HPDL: variants seen among roughly 807,000 people sequenced by gnomAD.
The protein encoded by HPDL is 4-hydroxyphenylpyruvate dioxygenase-like protein.
Under a neutral mutation model 9.8 loss-of-function variants are expected in HPDL, and 7 were observed. The ratio of observed to expected loss-of-function variants is 0.71; its 90% CI spans 0.41 to 1.34. The LOEUF is 1.34. HPDL is among the 40% of genes most tolerant of loss of function. HPDL has a pLI of 0.01. For synonymous variants in HPDL, 250 were observed against 228.2 expected (o/e 1.10, Z -0.86); for missense variants, 530 against 495.1 (o/e 1.07, Z -0.67).
rs1212898568 is a variant in HPDL at position 45,326,982 on chromosome 1, A to C, written c.-167A>C. ...GCTGCAGGGAGAACCGCGAGCTCTC[A>C]GGGGTCGGCGGGTGACTTCTTTCCG... On this transcript the variant is annotated 5_prime_UTR_variant, in exon 1 of 1. Transcript: ENST00000334815. The C allele has an allele frequency of 1.6e-6, 1 of 639,780 alleles. No homozygotes were observed. Among genetic ancestry groups the C allele is most frequent in the Non-Finnish European group, 2.4e-6 (1 of 415,834 alleles). 39.6% of individuals were successfully genotyped at this position (639,780 alleles called of 1,614,324 possible).
chr1:45,327,110 G>T lies in HPDL; in HGVS notation c.-39G>T. 6.6e-7 allele frequency: 1 copy of T among 1,513,808 alleles called. No homozygotes were observed. 93.8% of individuals were successfully genotyped at this position (1,513,808 alleles called of 1,614,324 possible). A position where few individuals can be genotyped will look rare whatever the true frequency, so the allele number is the denominator to read the frequency against. On this transcript the variant is annotated 5_prime_UTR_variant, in exon 1 of 1. Transcript: ENST00000334815. This position sits in a 1 kb window ranked among gnomAD's most constrained non-coding sequence, Gnocchi z 6.3. ...CGAAGTCCCCAACCACAAGTAAGCG[G>T]CCCCAGAAGGACAAGTCTAGGTCGC...
chr1:45,327,278 C>T lies in HPDL; in HGVS notation c.130C>T (p.Gln44Ter). Residue 44 changes from glutamine to a stop codon, truncating the protein, a stop_gained, in exon 1 of 1, where the codon CAG (glutamine) becomes TAG (stop). Coordinates refer to ENST00000334815, the MANE Select transcript of HPDL (RefSeq NM_032756.4). LOFTEE classifies it low-confidence loss of function (END_TRUNC). This position sits in a 1 kb window ranked among gnomAD's most constrained non-coding sequence, Gnocchi z 6.3. ...LASREVDGWR[Q>*]LALRSGDAVF... The stretch of plus-strand genomic sequence containing the variant: ...TTCGCGGGAGGTGGACGGCTGGCGG[C>T]AGCTAGCCCTGCGCAGCGGCGACGC... 3 of 1,594,596 alleles carry T rather than the reference C, an allele frequency of 1.9e-6. No individual in the cohort carries two copies. The highest frequency in any genetic ancestry group is 1.7e-6 in the Non-Finnish European group (2 of 1,172,888).
rs1305185943 is a variant in HPDL at position 45,327,311 on chromosome 1, T to C, written c.163T>C (p.Leu55=). ...CCTGCGCAGCGGCGACGCGGTCTTT[T>C]TGGTGAACGAGGGCGCAGGGTCTGG... The part of the protein sequence containing the change: ...LALRSGDAVF[L]VNEGAGSGEP... The change falls in exon 1 of 1, where the codon TTG becomes CTG. Residue 55 remains leucine, a synonymous_variant. Coordinates refer to ENST00000334815, the MANE Select transcript of HPDL (RefSeq NM_032756.4). This position sits in a 1 kb window ranked among gnomAD's most constrained non-coding sequence, Gnocchi z 6.3. 11 of 1,581,220 alleles carry C rather than the reference T, an allele frequency of 7.0e-6. No homozygotes were observed. The highest frequency in any genetic ancestry group is 7.7e-6 in the Non-Finnish European group (9 of 1,165,254).
At position 45,327,438 on chromosome 1, in the gene HPDL, C is replaced by T; in HGVS notation, c.290C>T (p.Ala97Val). ...GGCGCTGCAACCCGGGAGCTGGCAG[C>T]GCTGGGCTGCAGCGTGCCTGTCCCT... ...DAGAATRELA[A>V]LGCSVPVPPV... Residue 97 changes from alanine to valine, a missense_variant, in exon 1 of 1, where the codon GCG becomes GTG. Coordinates refer to ENST00000334815, the MANE Select transcript of HPDL (RefSeq NM_032756.4). The surrounding 1 kb of genome is among the most constrained non-coding windows in gnomAD (Gnocchi z 6.3). The T allele has an allele frequency of 6.3e-7, 1 of 1,585,624 alleles. No homozygotes were observed.
rs769815620 is a variant in HPDL, at chr1:45,327,672, C to T, written c.524C>T (p.Thr175Ile). The T allele has an allele frequency of 1.2e-5, 20 of 1,609,676 alleles. No homozygotes were observed. The highest frequency in any genetic ancestry group is 1.7e-5 in the Non-Finnish European group (20 of 1,177,140). ...TLACTPGSSP[T>I]LLRWFHDCLG... ...GCCTGCACCCCCGGCAGCTCCCCCACACTTTTGCGCTGGTTCCACGACTGC... is the reference window on the plus strand; with the variant it reads ...GCCTGCACCCCCGGCAGCTCCCCCATACTTTTGCGCTGGTTCCACGACTGC... The change falls in exon 1 of 1, where the codon ACA becomes ATA. Residue 175 changes from threonine to isoleucine, a missense_variant. Physicochemically the swap from Thr to Ile is moderately conservative, Grantham distance 89. Transcript: ENST00000334815. The surrounding 1 kb of genome is among the most constrained non-coding windows in gnomAD (Gnocchi z 6.3).
chr1:45,327,526 C>G lies in HPDL; in HGVS notation c.378C>G (p.Gly126=). 1 of 1,605,140 alleles carries G rather than the reference C, an allele frequency of 6.2e-7. No homozygotes were observed. The highest frequency in any genetic ancestry group is 8.5e-7 in the Non-Finnish European group (1 of 1,179,346). ...ACGCCGTGGTCAGCTCGCCTGCCGG[C>G]ATCCTCAGCCTGACCTTGCTGGAGC... ...ATYAVVSSPA[G]ILSLTLLERA... Residue 126 remains glycine, a synonymous_variant, in exon 1 of 1, where the codon GGC becomes GGG. Transcript: ENST00000334815. The surrounding 1 kb of genome is among the most constrained non-coding windows in gnomAD (Gnocchi z 6.3).
Position 45,327,692 on chromosome 1 carries a change from G to A in HPDL, c.544G>A (p.Asp182Asn). Residue 182 changes from aspartate to asparagine, a missense_variant, in exon 1 of 1, where the codon GAC becomes AAC. Transcript: ENST00000334815. The surrounding 1 kb of genome is among the most constrained non-coding windows in gnomAD (Gnocchi z 6.3). ...SSPTLLRWFH[D>N]CLGFCHLPLS... ...CCCCACACTTTTGCGCTGGTTCCAC[G>A]ACTGCCTGGGCTTTTGCCACTTGCC... is the stretch of plus-strand genomic sequence containing the variant. 1 of 1,610,270 alleles carries A rather than the reference G, an allele frequency of 6.2e-7. No homozygotes were observed. The highest frequency in any genetic ancestry group is 8.5e-7 in the Non-Finnish European group (1 of 1,177,566).
Position 45,327,553 on chromosome 1 carries a change from C to T in HPDL, c.405C>T (p.Arg135=). The T allele has an allele frequency of 6.2e-7, 1 of 1,608,688 alleles. No homozygotes were observed. The highest frequency in any genetic ancestry group is 8.5e-7 in the Non-Finnish European group (1 of 1,179,650). ...TCCTCAGCCTGACCTTGCTGGAGCG[C>T]GCTGGCTACCGCGGACCCTTCCTAC... ...AGILSLTLLE[R]AGYRGPFLPG... Residue 135 remains arginine, a synonymous_variant, in exon 1 of 1, where the codon CGC becomes CGT. Transcript: ENST00000334815. The surrounding 1 kb of genome is among the most constrained non-coding windows in gnomAD (Gnocchi z 6.3).
At position 45,327,155 on chromosome 1, in the gene HPDL, G is replaced by A. The variant is rs567386434; in HGVS notation, c.7G>A (p.Ala3Thr). 61 of 1,552,836 alleles carry A rather than the reference G, an allele frequency of 3.9e-5. 1 individual carries two copies. In the Admixed American group the frequency reaches 1.2e-3, roughly 30 times the overall value. ...GGTCGCCGTCCAGAGCGCCATGGCC[G>A]CGCCCGCCCTTCGTTTGTGCCACAT... MA[A>T]PALRLCHIAF... Residue 3 changes from alanine to threonine, a missense_variant, in exon 1 of 1, where the codon GCG (alanine) becomes ACG (threonine). Coordinates refer to ENST00000334815, the MANE Select transcript of HPDL (RefSeq NM_032756.4). This position sits in a 1 kb window ranked among gnomAD's most constrained non-coding sequence, Gnocchi z 6.3.
In HPDL at chr1:45,327,190, C is replaced by T. The variant is rs770359125; in HGVS notation, c.42C>T (p.His14=). ...TTCGTTTGTGCCACATCGCCTTCCACGTGCCCGCCGGGCAGCCCCTAGCCC... is the reference window on the plus strand; with the variant it reads ...TTCGTTTGTGCCACATCGCCTTCCATGTGCCCGCCGGGCAGCCCCTAGCCC... ...PALRLCHIAF[H]VPAGQPLARN... Residue 14 remains histidine (H), a synonymous_variant, in exon 1 of 1, where the codon CAC becomes CAT. Transcript: ENST00000334815. The surrounding 1 kb of genome is among the most constrained non-coding windows in gnomAD (Gnocchi z 6.3). 5.7e-6 allele frequency: 9 copies of T among 1,587,212 alleles called. No individual in the cohort carries two copies. The highest frequency in any genetic ancestry group is 5.6e-5 in the South Asian group (5 of 89,412).
chr1:45,328,001 G>A lies in HPDL; in HGVS notation c.853G>A (p.Gly285Arg). ...TAGGQFLAPPGAYYQQPGKER... is the reference protein window; with the variant it reads ...TAGGQFLAPPRAYYQQPGKER... ...TGGAGGCCAGTTCCTGGCTCCCCCT[G>A]GGGCATACTACCAGCAGCCAGGAAA... The change falls in exon 1 of 1, where the codon GGG becomes AGG. Residue 285 changes from glycine to arginine, a missense_variant. Transcript: ENST00000334815. The A allele has an allele frequency of 6.2e-7, 1 of 1,613,302 alleles. No homozygotes were observed. Among genetic ancestry groups the A allele is most frequent in the Non-Finnish European group, 8.5e-7 (1 of 1,179,418 alleles).
Position 45,328,177 on chromosome 1 carries a change from G to A in HPDL, c.1029G>A (p.Arg343=), listed in dbSNP as rs1229998404. Residue 343 remains arginine (R), a synonymous_variant, in exon 1 of 1, where the codon AGG becomes AGA. Transcript: ENST00000334815. ...CTTTCTTCCTGGAGCTGATTCAGAG[G>A]CAGGGGGCCACTGGCTTTGGTCAGG... ...EDTFFLELIQ[R]QGATGFGQGN... The A allele has an allele frequency of 6.2e-7, 1 of 1,614,124 alleles. No individual in the cohort carries two copies. The highest frequency in any genetic ancestry group is 1.3e-5 in the African/African-American group (1 of 74,952).
Position 45,327,830 on chromosome 1 carries a change from CTT to C in HPDL, c.683_684del (p.Leu228ArgfsTer4). 2 of 1,560,970 alleles carry C rather than the reference CTT, an allele frequency of 1.3e-6. No individual in the cohort carries two copies. Among genetic ancestry groups the C allele is most frequent in the Non-Finnish European group, 1.7e-6 (2 of 1,152,378 alleles). On this transcript the variant is annotated frameshift_variant, in exon 1 of 1. Transcript: ENST00000334815. LOFTEE classifies it high-confidence loss of function. The surrounding 1 kb of genome is among the most constrained non-coding windows in gnomAD (Gnocchi z 6.3). ...QAQPGSIVPTLVLAESLPGAT... is the reference protein window; with the variant it reads ...QAQPGSIVPTXVLAESLPGAT... ...CCAGCCGGGCAGCATTGTCCCCACT[CTT>C]GTTCTGGCTGAGTCCCTTCCGGGGG...
Position 45,327,041 on chromosome 1 carries a change from C to A in HPDL, c.-108C>A. The A allele has an allele frequency of 8.6e-7, 1 of 1,161,566 alleles. No individual in the cohort carries two copies. The highest frequency in any genetic ancestry group is 1.2e-6 in the Non-Finnish European group (1 of 867,984). 72.0% of individuals were successfully genotyped at this position (1,161,566 alleles called of 1,614,324 possible). A position where few individuals can be genotyped will look rare whatever the true frequency, so the allele number is the denominator to read the frequency against. On this transcript the variant is annotated 5_prime_UTR_variant, in exon 1 of 1. Coordinates refer to ENST00000334815, the MANE Select transcript of HPDL (RefSeq NM_032756.4). The surrounding 1 kb of genome is among the most constrained non-coding windows in gnomAD (Gnocchi z 6.3). ...CGAGGAACGCGCTCTGCGGGGTGAG[C>A]CGGACTCCCCAACTCCGGACGATCA... is the stretch of plus-strand genomic sequence containing the variant.
rs1644255311 is a variant in HPDL at position 45,327,759 on chromosome 1, C to T, written c.611C>T (p.Thr204Ile). The change falls in exon 1 of 1, where the codon ACA becomes ATA. Residue 204 changes from threonine to isoleucine, a missense_variant. By Grantham distance (89) the Thr-to-Ile change is moderately conservative. Transcript: ENST00000334815. This position sits in a 1 kb window ranked among gnomAD's most constrained non-coding sequence, Gnocchi z 6.3. Reference sequence around the variant, plus strand: ...GATCCCGAGCTGGGCCTCGAAATGACAGCAGGGTTTGGGCTTGGGGGACTG... The same window carrying T: ...GATCCCGAGCTGGGCCTCGAAATGATAGCAGGGTTTGGGCTTGGGGGACTG... ...GEDPELGLEM[T>I]AGFGLGGLRL... is the part of the protein sequence containing the mutation. 1 of 1,612,742 alleles carries T rather than the reference C, an allele frequency of 6.2e-7. No individual in the cohort carries two copies.
rs1440743684 is a variant in HPDL, at chr1:45,327,826, C to T, written c.678C>T (p.Pro226=). ...AGGCCCAGCCGGGCAGCATTGTCCC[C>T]ACTCTTGTTCTGGCTGAGTCCCTTC... ...ALQAQPGSIV[P]TLVLAESLPG... The change falls in exon 1 of 1, where the codon CCC becomes CCT. Residue 226 remains proline (P), a synonymous_variant. Coordinates refer to ENST00000334815, the MANE Select transcript of HPDL (RefSeq NM_032756.4). The surrounding 1 kb of genome is among the most constrained non-coding windows in gnomAD (Gnocchi z 6.3). The T allele has an allele frequency of 1.3e-6, 2 of 1,564,234 alleles. No individual in the cohort carries two copies. Among genetic ancestry groups the T allele is most frequent in the Non-Finnish European group, 1.7e-6 (2 of 1,153,754 alleles).
chr1:45,328,022 G>A lies in HPDL; in HGVS notation c.874G>A (p.Gly292Arg). ...APPGAYYQQPGKERQIRAAGH... is the reference protein window; with the variant it reads ...APPGAYYQQPRKERQIRAAGH... ...CCCTGGGGCATACTACCAGCAGCCA[G>A]GAAAGGAGAGGCAGATCCGAGCTGC... The change falls in exon 1 of 1, where the codon GGA becomes AGA. Residue 292 changes from glycine to arginine, a missense_variant. Gly to Arg is a moderately radical substitution (Grantham distance 125). Transcript: ENST00000334815. 6.2e-7 allele frequency: 1 copy of A among 1,614,018 alleles called. No homozygotes were observed. The highest frequency in any genetic ancestry group is 1.7e-5 in the Admixed American group (1 of 60,028).
At position 45,327,954 on chromosome 1, in the gene HPDL, C is replaced by T; in HGVS notation, c.806C>T (p.Ala269Val). ...VGLYTPNIVE[A>V]TEGVATAGGQ... Reference sequence around the variant, plus strand: ...CTGTATACGCCTAACATTGTGGAGGCCACTGAGGGGGTGGCAACTGCTGGA... The same window carrying T: ...CTGTATACGCCTAACATTGTGGAGGTCACTGAGGGGGTGGCAACTGCTGGA... Residue 269 changes from alanine (A) to valine (V), a missense_variant, in exon 1 of 1, where the codon GCC becomes GTC. Physicochemically the swap from Ala to Val is moderately conservative, Grantham distance 64. Transcript: ENST00000334815. The surrounding 1 kb of genome is among the most constrained non-coding windows in gnomAD (Gnocchi z 6.3). 1 of 1,598,106 alleles carries T rather than the reference C, an allele frequency of 6.3e-7. No individual in the cohort carries two copies. Among genetic ancestry groups the T allele is most frequent in the Non-Finnish European group, 8.5e-7 (1 of 1,171,374 alleles).
In HPDL at chr1:45,327,282, T is replaced by A. The variant is rs199632752; in HGVS notation, c.134T>A (p.Leu45Gln). Residue 45 changes from leucine to glutamine, a missense_variant, in exon 1 of 1, where the codon CTA (leucine) becomes CAA (glutamine). Leu to Gln is a moderately radical substitution (Grantham distance 113). Coordinates refer to ENST00000334815, the MANE Select transcript of HPDL (RefSeq NM_032756.4). This position sits in a 1 kb window ranked among gnomAD's most constrained non-coding sequence, Gnocchi z 6.3. ...CGGGAGGTGGACGGCTGGCGGCAGC[T>A]AGCCCTGCGCAGCGGCGACGCGGTC... ...ASREVDGWRQ[L>Q]ALRSGDAVFL... 2.0e-3 allele frequency: 3,222 copies of A among 1,593,358 alleles called. 4 individuals carry two copies. Among genetic ancestry groups the A allele is most frequent in the Non-Finnish European group, 2.5e-3 (2,979 of 1,172,274 alleles).
Sources: gnomAD v4.1 joint callset for allele counts on GRCh38, gnomAD v4.1.1 for gene constraint, Gnocchi (gnomAD v3.1) non-coding constraint, MANE v1.5 for transcripts, NCBI Gene and HGNC (gene_info 2026-07-23, HGNC 2026-07-21) for gene names.